Variants in ZNF445 observed in about 807,000 individuals in gnomAD.
The protein encoded by ZNF445 is zinc finger protein 445.
Under a neutral mutation model 93.9 loss-of-function variants are expected in ZNF445, and 19 were observed. That is an observed-to-expected ratio of 0.20 (90% CI 0.14 to 0.30). The LOEUF is 0.30. Ranked by LOEUF, ZNF445 falls within the 10% of genes least tolerant of loss-of-function variation. The pLI, the probability that ZNF445 is intolerant of heterozygous loss-of-function variation, is 1.00. For synonymous variants in ZNF445, 449 were observed against 446.3 expected (o/e 1.01, Z -0.08); for missense variants, 1,058 against 1,259.4 (o/e 0.84, Z 2.42).
intron 1 of ZNF445, among the ~76,000 whole-genome samples, chr3:44,463,099 C>T (rs991213710): frequency 1.3e-5 from 2 of 151,580 alleles, no homozygotes; most frequent in Admixed American, 6.6e-5. Flanking sequence ...TACAATGGCA[C>T]GGTCTCAGTT....
intron 1 of ZNF445, among the ~76,000 whole-genome samples, chr3:44,463,989 A>G (rs1007743392): frequency 5.3e-5 from 8 of 152,140 alleles, no homozygotes; most frequent in African/African-American, 1.9e-4. Context: ...AGCCAGGCGT[A>G]GTGGTGCGTG....
chr3:44,433,681 T>C lies in ZNF445; in HGVS notation c.*12894A>G, dbSNP rs1225633663. On this transcript the variant is annotated 3_prime_UTR_variant, in exon 8 of 8. Coordinates refer to ENST00000396077, the MANE Select transcript of ZNF445 (RefSeq NM_181489.6). ...GACCTGCAGAGAGAGAGTGGGAAAG[T>C]GGAGAACCATCAGCTCACTTTCCCT... 2 of 152,154 alleles carry C rather than the reference T, an allele frequency of 1.3e-5. No individual in the cohort carries two copies. The highest frequency in any genetic ancestry group is 2.4e-5 in the African/African-American group (1 of 41,416). The allele number at this position is 152,154 out of a possible 1,614,324, so 9.4% of individuals were successfully genotyped here. A position where few individuals can be genotyped will look rare whatever the true frequency, so the allele number is the denominator to read the frequency against.
rs1167781159 is a variant in ZNF445 at position 44,463,004 on chromosome 3, T to C, written c.-268-4640A>G. Among the ~76,000 whole-genome samples the C allele has an allele frequency of 3.2e-5, 4 of 126,576 alleles. No individual in the cohort carries two copies. In the Admixed American group the frequency reaches 3.7e-4, roughly 12 times the overall value. The allele number at this position is 126,576 out of a possible 152,430, so 83.0% of individuals were successfully genotyped here. ...TTTCTTCTCAGTCAACTGAATTATTTTTTTCTTTGTGTGTGTGTGTGTGTG... is the reference window on the plus strand; with the variant it reads ...TTTCTTCTCAGTCAACTGAATTATTCTTTTCTTTGTGTGTGTGTGTGTGTG... On this transcript the variant is annotated intron_variant, in intron 1 of 7. Transcript: ENST00000396077.
rs956384385 is a variant in ZNF445 at position 44,477,354 on chromosome 3, G to A, written c.-269+237C>T. Among the ~76,000 whole-genome samples, 6 of 152,312 alleles carry A rather than the reference G, an allele frequency of 3.9e-5. 1 individual carries two copies. Among genetic ancestry groups the A allele is most frequent in the Middle Eastern group, 6.8e-3 (2 of 294 alleles). On this transcript the variant is annotated intron_variant, in intron 1 of 7. Coordinates refer to ENST00000396077, the MANE Select transcript of ZNF445 (RefSeq NM_181489.6). Reference sequence around the variant, plus strand: ...ATGCAGAATTGGATGAAACGAGAAAGCCCGGAGAAACCCGGGCTCCAGATT... The same window carrying A: ...ATGCAGAATTGGATGAAACGAGAAAACCCGGAGAAACCCGGGCTCCAGATT...
chr3:44,472,180 CAGAG>C (rs1458422715), intron 1 of ZNF445, among the ~76,000 whole-genome samples: 1 of 152,112 alleles, frequency 6.6e-6, no homozygotes. Flanking sequence ...AAATTGAGGC[CAGAG>C]AGAAACACTT....
Position 44,455,173 on chromosome 3 carries a change from G to C in ZNF445, c.377C>G (p.Ala126Gly). The C allele has an allele frequency of 6.2e-7, 1 of 1,614,152 alleles. No individual in the cohort carries two copies. Reference sequence around the variant, plus strand: ...CTGCAGCTCCTCCAGCAAGGCCACAGCCTCCTCGCCACTCTCAGGGTTATG... The same window carrying C: ...CTGCAGCTCCTCCAGCAAGGCCACACCCTCCTCGCCACTCTCAGGGTTATG... ...QLHNPESGEE[A>G]VALLEELQRD... Residue 126 changes from alanine (A) to glycine (G), a missense_variant, in exon 3 of 8, where the codon GCT (alanine) becomes GGT (glycine). Around this residue, in one of 3 missense-constraint regions of ZNF445, gnomAD observed 657 missense variants for 746.4 expected, o/e 0.88. Transcript: ENST00000396077.
chr3:44,477,153 A>G (rs1698372641), intron 1 of ZNF445, among the ~76,000 whole-genome samples: 1 of 152,226 alleles, frequency 6.6e-6, no homozygotes, highest in Non-Finnish European at 1.5e-5. Context: ...AGGTTTTTTA[A>G]AAAGCAAGAG....
chr3:44,474,667 G>C (rs949914751), intron 1 of ZNF445, among the ~76,000 whole-genome samples: 5 of 152,148 alleles, frequency 3.3e-5, no homozygotes, highest in African/African-American at 1.2e-4. Flanking sequence ...GCCTACAACA[G>C]AAAAAGAATG....
intron 1 of ZNF445, among the ~76,000 whole-genome samples, chr3:44,477,146 T>C (rs1256519544): frequency 6.6e-6 from 1 of 152,206 alleles, no homozygotes; most frequent in Non-Finnish European, 1.5e-5. Context: ...TACTAACAGG[T>C]TTTTTAAAAA....
intron 6 of ZNF445, 98 bp downstream of exon 6, chr3:44,450,349 G>T (rs971043212): frequency 1.3e-6 from 2 of 1,499,644 alleles, no homozygotes. Context: ...ACAGAGCCAG[G>T]ATCTAAAACC....
chr3:44,466,845 G>A (rs1004227352), intron 1 of ZNF445, among the ~76,000 whole-genome samples: 1 of 152,124 alleles, frequency 6.6e-6, no homozygotes, highest in African/African-American at 2.4e-5. Flanking sequence ...AAAATTATGG[G>A]AAACTTCTAT....
intron 3 of ZNF445, among the ~76,000 whole-genome samples, chr3:44,452,479 T>A (rs1697970311): frequency 1.3e-5 from 2 of 152,326 alleles, no homozygotes; most frequent in South Asian, 4.1e-4. Context: ...TGACTTTACA[T>A]ATATCTTAAA....
At chr3:44,475,771 G>A (rs6791565) in intron 1 of ZNF445, among the ~76,000 whole-genome samples, 42,796 of 151,944 alleles carry the variant, frequency 0.28, 6,593 homozygotes, top group Non-Finnish European at 0.32. Flanking sequence ...GGCTGAGGCA[G>A]GCAGATCACC....
intron 1 of ZNF445, among the ~76,000 whole-genome samples, chr3:44,461,144 A>C (rs975224780): frequency 6.6e-6 from 1 of 152,082 alleles, no homozygotes; most frequent in African/African-American, 2.4e-5. Context: ...AGGCGCTGCC[A>C]ATGCCTCCTT....
intron 1 of ZNF445, among the ~76,000 whole-genome samples, chr3:44,466,517 GTA>G (rs1423477579): frequency 6.6e-6 from 1 of 152,150 alleles, no homozygotes; most frequent in Admixed American, 6.5e-5. Flanking sequence ...ATATGACTCA[GTA>G]TATGTTATCA....
At chr3:44,475,637 A>G (rs990766254) in intron 1 of ZNF445, among the ~76,000 whole-genome samples, 1 of 152,266 alleles carries the variant, frequency 6.6e-6, no homozygotes, top group Non-Finnish European at 1.5e-5. Flanking sequence ...ATGTTCCAGT[A>G]CTGCCTTGAG....
chr3:44,466,563 C>A lies in ZNF445; in HGVS notation c.-268-8199G>T, dbSNP rs1172604361. 2.6e-5 allele frequency among the ~76,000 whole-genome samples: 4 copies of A among 152,098 alleles called. No homozygotes were observed. In the East Asian group the frequency reaches 7.7e-4, roughly 29 times the overall value. ...TATAATTATGTTAACACACTGTATG[C>A]CATGGAGGTGGCAAATTTCCTTGTC... On this transcript the variant is annotated intron_variant, in intron 1 of 7. Coordinates refer to ENST00000396077, the MANE Select transcript of ZNF445 (RefSeq NM_181489.6).
Position 44,450,949 on chromosome 3 carries a change from G to C in ZNF445, c.612C>G (p.Ala204=). Residue 204 remains alanine, a synonymous_variant, in exon 5 of 8, where the codon GCC becomes GCG. Transcript: ENST00000396077. ...CTCTCGGGAAAAGGGCAGGCATCTG[G>C]GCAGCAGGAGTATCTGAAGGAGAAA... ...FLAGQSDTPA[A]QMPALFPREG... 6.3e-7 allele frequency: 1 copy of C among 1,594,414 alleles called. No homozygotes were observed. The highest frequency in any genetic ancestry group is 1.1e-5 in the South Asian group (1 of 87,688).
chr3:44,470,134 G>A (rs924469064), intron 1 of ZNF445, among the ~76,000 whole-genome samples: 4 of 151,986 alleles, frequency 2.6e-5, no homozygotes, highest in African/African-American at 2.4e-5. Flanking sequence ...TGTTGCCCAG[G>A]CCAGTCTCAA....
Sources: gnomAD v4.1 joint callset for allele counts (sites outside exome capture counted in the v4.1 genomes callset) on GRCh38, gnomAD v4.1.1 for gene constraint, gnomAD v4.1.1 regional missense constraint, MANE v1.5 for transcripts, NCBI Gene and HGNC (gene_info 2026-07-23, HGNC 2026-07-21) for gene names.